LRMDA: variants seen among roughly 807,000 people sequenced by gnomAD.
LRMDA encodes the protein leucine rich melanocyte differentiation associated.
LRMDA carries 18 observed loss-of-function variants against 29.8 expected under a neutral mutation model. The observed-to-expected ratio is 0.60, with a 90% CI of 0.42 to 0.90. The LOEUF (loss-of-function observed/expected upper bound fraction) is 0.90. Among genes scored for constraint, LRMDA ranks in the 40% least tolerant of loss-of-function variants. The probability of loss-of-function intolerance (pLI) is 0.00; values close to 1 mark genes in which losing one functional copy is unlikely to be tolerated. For synonymous variants in LRMDA, 125 were observed against 109.4 expected, an observed-to-expected ratio of 1.14 and a Z score of -0.89; for missense variants, 273 against 273.9, an observed-to-expected ratio of 1.00 and a Z score of 0.02.
At chr10:75,513,685 T>A (rs1347757362) in intron 2 of LRMDA, among the ~76,000 whole-genome samples, 10 of 152,152 alleles carry the variant, frequency 6.6e-5, no homozygotes, top group Non-Finnish European at 1.5e-4. Context: ...CTGCTAGCAT[T>A]TTTTGGCTCT....
intron 5 of LRMDA, among the ~76,000 whole-genome samples, chr10:76,220,793 C>G (rs1420891876): frequency 6.6e-6 from 1 of 152,176 alleles, no homozygotes; most frequent in Non-Finnish European, 1.5e-5. Flanking sequence ...CATCCTGATA[C>G]CAAAGCCGAG....
chr10:76,308,609 G>C (rs10824392), intron 5 of LRMDA, among the ~76,000 whole-genome samples: 39,159 of 151,912 alleles, frequency 0.26, 6,325 homozygotes, highest in African/African-American at 0.44. Flanking sequence ...CAGAGACCAT[G>C]GGGCTGCTGC....
rs35472435 is a variant in LRMDA at position 75,557,317 on chromosome 10, T to TAA, written c.131+118836_131+118837dup. Among the ~76,000 whole-genome samples the TAA allele has an allele frequency of 3.6e-3, 510 of 142,382 alleles. 15 individuals carry two copies. In the East Asian group the frequency reaches 0.075, roughly 21 times the overall value. 93.4% of individuals were successfully genotyped at this position (142,382 alleles called of 152,430 possible). On this transcript the variant is annotated intron_variant, in intron 2 of 6. Transcript: ENST00000611255. ...AGACAGAGCGAGACTCTGTCTCAAT[T>TAA]AAAAAAAAAAAAAAGTAAAATGGTA...
At chr10:75,878,253 G>A (rs542762790) in intron 2 of LRMDA, among the ~76,000 whole-genome samples, 102 of 151,956 alleles carry the variant, frequency 6.7e-4, no homozygotes, top group African/African-American at 2.2e-3. Context: ...ATTACATGTG[G>A]GATTGGAGGA....
At chr10:76,384,699 C>T (rs1216339557) in intron 6 of LRMDA, among the ~76,000 whole-genome samples, 5 of 152,176 alleles carry the variant, frequency 3.3e-5, no homozygotes, top group African/African-American at 4.8e-5. Flanking sequence ...CTCTTTAGTA[C>T]GTAAAGTCTA....
chr10:75,468,315 C>T (rs1379716217), intron 2 of LRMDA, among the ~76,000 whole-genome samples: 1 of 152,016 alleles, frequency 6.6e-6, no homozygotes, highest in Non-Finnish European at 1.5e-5. Context: ...GACTGTTGGC[C>T]ATATCAAAGG....
intron 2 of LRMDA, among the ~76,000 whole-genome samples, chr10:75,849,295 C>G (rs1164169783): frequency 1.3e-5 from 2 of 152,048 alleles, no homozygotes; most frequent in Non-Finnish European, 2.9e-5. Context: ...CGGTTTGACC[C>G]TAACTGATGC....
At chr10:76,339,656 G>GA (rs1841012860) in intron 6 of LRMDA, among the ~76,000 whole-genome samples, 1 of 151,644 alleles carries the variant, frequency 6.6e-6, no homozygotes, top group South Asian at 2.1e-4. Context: ...ATCAAAGTAA[G>GA]AAAAAATAGA....
chr10:75,605,172 A>G (rs1467907871), intron 2 of LRMDA, among the ~76,000 whole-genome samples: 1 of 152,214 alleles, frequency 6.6e-6, no homozygotes, highest in African/African-American at 2.4e-5. Flanking sequence ...GAAAAGTCTC[A>G]AGACTGGGAA....
intron 5 of LRMDA, among the ~76,000 whole-genome samples, chr10:76,226,346 G>A (rs1851957679): frequency 6.6e-6 from 1 of 152,100 alleles, no homozygotes; most frequent in Admixed American, 6.5e-5. Context: ...ACTTTGGGAG[G>A]CTGAAGCGGG....
At chr10:75,782,838 T>TG (rs1843407492) in intron 2 of LRMDA, 1 of 1,497,376 alleles carries the variant, frequency 6.7e-7, no homozygotes, top group Non-Finnish European at 8.9e-7. Context: ...GGCGTGCATG[T>TG]GTTTTAGTTT....
chr10:76,238,353 G>C (rs1236032676), intron 5 of LRMDA, among the ~76,000 whole-genome samples: 2 of 151,786 alleles, frequency 1.3e-5, no homozygotes, highest in East Asian at 3.9e-4. Flanking sequence ...CTTTTAGCAA[G>C]ATGGCCAAGT....
At position 75,506,317 on chromosome 10, in the gene LRMDA, T is replaced by C. The variant is rs189649509; in HGVS notation, c.131+67823T>C. On this transcript the variant is annotated intron_variant, in intron 2 of 6. Transcript: ENST00000611255. ...ACACATTTGTTCCACTTCCTGCCAC[T>C]CCCCTGTCTGATTTCTCTAAGTCAC... Among the ~76,000 whole-genome samples, 429 of 152,260 alleles carry C rather than the reference T, an allele frequency of 2.8e-3. 3 individuals are homozygous for C. The highest frequency in any genetic ancestry group is 9.7e-3 in the African/African-American group (404 of 41,540).
In LRMDA at chr10:76,125,041, C is replaced by T. The variant is rs79207668; in HGVS notation, c.516+66258C>T. Among the ~76,000 whole-genome samples the T allele has an allele frequency of 2.3e-3, 357 of 152,308 alleles. 3 individuals are homozygous for T. Among genetic ancestry groups the T allele is most frequent in the Non-Finnish European group, 1.7e-3 (119 of 68,026 alleles). ...CAGGAAATATCTTTTAAATCAGTAACTTTAAGAAGCTGACGCTCAAAGGGG... is the reference window on the plus strand; with the variant it reads ...CAGGAAATATCTTTTAAATCAGTAATTTTAAGAAGCTGACGCTCAAAGGGG... On this transcript the variant is annotated intron_variant, in intron 5 of 6. Transcript: ENST00000611255.
At chr10:75,539,827 A>C (rs1839994574) in intron 2 of LRMDA, among the ~76,000 whole-genome samples, 1 of 151,614 alleles carries the variant, frequency 6.6e-6, no homozygotes, top group Non-Finnish European at 1.5e-5. Flanking sequence ...CTACATTTGC[A>C]TTCACTCCCT....
At chr10:76,362,120 A>G (rs536208592) in intron 6 of LRMDA, among the ~76,000 whole-genome samples, 1 of 152,322 alleles carries the variant, frequency 6.6e-6, no homozygotes, top group Admixed American at 6.5e-5. Context: ...ACATAACACG[A>G]CACTGCCATA....
chr10:76,016,318 C>T (rs770126871), intron 2 of LRMDA, among the ~76,000 whole-genome samples: 2 of 150,672 alleles, frequency 1.3e-5, no homozygotes, highest in South Asian at 2.1e-4. Context: ...TACTCATTGC[C>T]CTTACATTGG....
intron 2 of LRMDA, among the ~76,000 whole-genome samples, chr10:75,598,540 GAA>G (rs371789641): frequency 7.1e-6 from 1 of 141,322 alleles, no homozygotes. Flanking sequence ...ATTATTTAAA[GAA>G]AAAAAAAAAG....
At chr10:75,878,715 G>A (rs1845242327) in intron 2 of LRMDA, among the ~76,000 whole-genome samples, 1 of 152,108 alleles carries the variant, frequency 6.6e-6, no homozygotes, top group Non-Finnish European at 1.5e-5. Flanking sequence ...ACCCTCACCA[G>A]GGACCCCACC....
Sources: allele counts gnomAD v4.1 joint callset (sites outside exome capture counted in the v4.1 genomes callset), GRCh38; gene constraint gnomAD v4.1.1; transcripts MANE v1.5; gene names NCBI Gene and HGNC (gene_info 2026-07-23, HGNC 2026-07-21).